The following TRIM2 variants were observed in gnomAD, a reference collection of about 807,000 sequenced individuals.
The protein encoded by TRIM2 is tripartite motif containing 2, also known as tripartite motif-containing protein 2.
A neutral mutation model predicts 75.2 loss-of-function variants in TRIM2; 20 were observed. That is an observed-to-expected ratio of 0.27 (90% confidence interval 0.19 to 0.39). The LOEUF (loss-of-function observed/expected upper bound fraction) is 0.39. Among genes scored for constraint, TRIM2 ranks in the 10% least tolerant of loss-of-function variants. TRIM2 has a pLI of 1.00. For synonymous variants in TRIM2, 373 were observed against 388.3 expected (o/e 0.96, Z 0.46); for missense variants, 660 against 990.8 (o/e 0.67, Z 4.48).
At chr4:153,324,026 T>G in intron 9 of TRIM2, 52 bp from the exon 10 acceptor site, 1 of 1,424,196 alleles carries the variant, frequency 7.0e-7, no homozygotes, top group Non-Finnish European at 9.9e-7. Flanking sequence ...AACTGCTATA[T>G]GTAATCACTT....
At chr4:153,211,567 A>C (rs145807724) in intron 1 of TRIM2, among the ~76,000 whole-genome samples, 4 of 147,862 alleles carry the variant, frequency 2.7e-5, no homozygotes, top group African/African-American at 7.6e-5. Context: ...GGCTCACTGC[A>C]GCCTTCACCT....
intron 1 of TRIM2, among the ~76,000 whole-genome samples, chr4:153,164,800 T>C (rs1579258666): frequency 6.6e-6 from 1 of 152,252 alleles, no homozygotes; most frequent in Non-Finnish European, 1.5e-5. Context: ...TATGACTTAC[T>C]TATAGTACAA....
chr4:153,275,481 C>T (rs997549737), intron 2 of TRIM2, among the ~76,000 whole-genome samples: 1 of 152,188 alleles, frequency 6.6e-6, no homozygotes, highest in Admixed American at 6.5e-5. Context: ...CATTTATGAG[C>T]CCACTGCTAG....
chr4:153,324,054 TA>T (rs766500209), intron 9 of TRIM2, 23 bp from the exon 10 acceptor site: 15 of 1,599,980 alleles, frequency 9.4e-6, no homozygotes, highest in East Asian at 2.2e-5. Context: ...AGTCATCACA[TA>T]TTTTTTTCCA....
chr4:153,311,726 A>ATTT (rs34229298), intron 6 of TRIM2, among the ~76,000 whole-genome samples: 11 of 138,428 alleles, frequency 7.9e-5, no homozygotes, highest in African/African-American at 1.6e-4. Flanking sequence ...GTGTTTATCA[A>ATTT]TTTTTTTTTT....
intron 6 of TRIM2, among the ~76,000 whole-genome samples, chr4:153,299,992 A>C (rs1308546476): frequency 6.6e-6 from 1 of 152,226 alleles, no homozygotes; most frequent in Non-Finnish European, 1.5e-5. Flanking sequence ...CTCCGTTTGC[A>C]AGTCGCACCC....
intron 1 of TRIM2, among the ~76,000 whole-genome samples, chr4:153,186,184 A>G (rs897320315): frequency 2.0e-5 from 3 of 152,140 alleles, no homozygotes; most frequent in Admixed American, 6.5e-5. Flanking sequence ...CCCAGGCTGA[A>G]AAACCTCATG....
At chr4:153,284,471 T>C (rs1031725435) in intron 3 of TRIM2, among the ~76,000 whole-genome samples, 8 of 152,200 alleles carry the variant, frequency 5.3e-5, no homozygotes, top group Non-Finnish European at 5.9e-5. Context: ...CCCAAAGTGC[T>C]GGGATTACAG....
At chr4:153,178,931 G>A (rs1219057846) in intron 1 of TRIM2, among the ~76,000 whole-genome samples, 2 of 152,162 alleles carry the variant, frequency 1.3e-5, no homozygotes, top group Non-Finnish European at 2.9e-5. Flanking sequence ...CAGGTCTCAA[G>A]CTCCAACACT....
In TRIM2 at chr4:153,336,010, T is replaced by C; in HGVS notation, c.*1044T>C. ...AAGTGTTACCAAAGTTGTGTTATCT[T>C]GAAAGCATTACAGGTAAGGGCATGT... On this transcript the variant is annotated 3_prime_UTR_variant, in exon 12 of 12. Transcript: ENST00000338700. The C allele has an allele frequency of 1.0e-6, 1 of 985,858 alleles. No homozygotes were observed. Among genetic ancestry groups the C allele is most frequent in the Non-Finnish European group, 1.2e-6 (1 of 829,932 alleles). 61.1% of individuals were successfully genotyped at this position (985,858 alleles called of 1,614,324 possible).
chr4:153,304,295 G>A (rs530748616), intron 6 of TRIM2, among the ~76,000 whole-genome samples: 1 of 151,946 alleles, frequency 6.6e-6, no homozygotes, highest in Non-Finnish European at 1.5e-5. Context: ...TGTATTTTCA[G>A]TAGAGATGGG....
At chr4:153,325,245 T>C (rs1363356868) in intron 10 of TRIM2, among the ~76,000 whole-genome samples, 2 of 152,190 alleles carry the variant, frequency 1.3e-5, no homozygotes, top group African/African-American at 4.8e-5. Flanking sequence ...CAAGTCCCTG[T>C]GCAGACAGTA....
chr4:153,207,033 G>T (rs917863345), intron 1 of TRIM2, among the ~76,000 whole-genome samples: 1 of 152,192 alleles, frequency 6.6e-6, no homozygotes. Flanking sequence ...GGGATTACAG[G>T]TGCATGCCCC....
intron 1 of TRIM2, among the ~76,000 whole-genome samples, chr4:153,189,651 C>T (rs1334701661): frequency 2.6e-5 from 4 of 152,210 alleles, no homozygotes; most frequent in Non-Finnish European, 5.9e-5. Context: ...CAGGCTCATG[C>T]CTCCCTGTGA....
intron 3 of TRIM2, among the ~76,000 whole-genome samples, chr4:153,281,483 T>C (rs1759329820): frequency 6.6e-6 from 1 of 152,262 alleles, no homozygotes; most frequent in African/African-American, 2.4e-5. Flanking sequence ...AGTTCACTGC[T>C]GCTGTTTTGA....
chr4:153,249,813 G>T (rs1046532245), intron 1 of TRIM2, among the ~76,000 whole-genome samples: 1 of 152,238 alleles, frequency 6.6e-6, no homozygotes, highest in Admixed American at 6.5e-5. Flanking sequence ...TGGTAATGGA[G>T]CTCTGCTTAA....
At chr4:153,304,049 G>A (rs368533944) in intron 6 of TRIM2, among the ~76,000 whole-genome samples, 4 of 152,154 alleles carry the variant, frequency 2.6e-5, no homozygotes, top group Non-Finnish European at 5.9e-5. Context: ...TCAGGATGGT[G>A]GGGGGAGAAG....
chr4:153,270,914 A>G (rs1756517896), intron 2 of TRIM2, among the ~76,000 whole-genome samples: 1 of 152,242 alleles, frequency 6.6e-6, no homozygotes, highest in Admixed American at 6.5e-5. Context: ...AAACATCTGC[A>G]TACATGAGTT....
intron 1 of TRIM2, among the ~76,000 whole-genome samples, chr4:153,259,043 C>T (rs891709665): frequency 1.3e-5 from 2 of 152,138 alleles, no homozygotes; most frequent in African/African-American, 4.8e-5. Flanking sequence ...TGTTTCTGTC[C>T]AATTTTCTCC....
Sources: allele counts gnomAD v4.1 joint callset (sites outside exome capture counted in the v4.1 genomes callset), GRCh38; gene constraint gnomAD v4.1.1; transcripts MANE v1.5; gene names NCBI Gene and HGNC (gene_info 2026-07-23, HGNC 2026-07-21).